Variants in SLC22A15 observed in about 807,000 individuals in gnomAD.
SLC22A15 encodes the protein solute carrier family 22 member 15, also known as flipt 1.
In SLC22A15, 45 loss-of-function variants were observed where a neutral mutation model predicts 62.7. The ratio of observed to expected loss-of-function variants is 0.72; its 90% confidence interval spans 0.56 to 0.92. SLC22A15 has a LOEUF of 0.92. SLC22A15 is among the 40% of genes least tolerant of loss of function. SLC22A15 has a pLI of 0.00. For missense variants in SLC22A15, 622 were observed against 665.6 expected (o/e 0.93, Z 0.72); for synonymous variants, 264 against 267.0 (o/e 0.99, Z 0.11).
chr1:116,051,342 C>T (rs1299797729), intron 8 of SLC22A15, among the ~76,000 whole-genome samples: 1 of 152,138 alleles, frequency 6.6e-6, no homozygotes, highest in Admixed American at 6.5e-5. Flanking sequence ...ACCAAAACAG[C>T]ATGATAGTGG....
intron 2 of SLC22A15, among the ~76,000 whole-genome samples, chr1:116,006,065 G>A (rs1380701262): frequency 6.6e-6 from 1 of 152,188 alleles, no homozygotes; most frequent in Non-Finnish European, 1.5e-5. Flanking sequence ...TGATTAGAAT[G>A]CTTGTGGTAC....
chr1:116,060,575 G>C (rs1288561701), intron 8 of SLC22A15, among the ~76,000 whole-genome samples: 1 of 152,186 alleles, frequency 6.6e-6, no homozygotes, highest in Non-Finnish European at 1.5e-5. Context: ...CATTCTGTAT[G>C]GGTTGAAAAC....
chr1:116,041,977 A>T (rs1657799810), intron 8 of SLC22A15, among the ~76,000 whole-genome samples: 1 of 151,976 alleles, frequency 6.6e-6, no homozygotes, highest in Non-Finnish European at 1.5e-5. Flanking sequence ...TTGCCATAAA[A>T]GTGCTTAAAA....
chr1:115,993,430 T>A lies in SLC22A15; in HGVS notation c.300+1187T>A, dbSNP rs2454183. Among the ~76,000 whole-genome samples the A allele has an allele frequency of 3.8e-3, 497 of 130,282 alleles. 2 individuals are homozygous for A. Among genetic ancestry groups the A allele is most frequent in the East Asian group, 0.034 (150 of 4,360 alleles). The allele number at this position is 130,282 out of a possible 152,430, so 85.5% of individuals were successfully genotyped here. ...TCCTGTGTGTGTGAGTGTGTGAGAG[T>A]GTGTGTGTGTGTGTGTGTGTGTGTG... On this transcript the variant is annotated intron_variant, in intron 2 of 11. Transcript: ENST00000369503.
chr1:116,023,576 C>A (rs938792190), intron 4 of SLC22A15, among the ~76,000 whole-genome samples: 2 of 152,112 alleles, frequency 1.3e-5, no homozygotes, highest in East Asian at 3.8e-4. Context: ...CCAGACACTG[C>A]TTTTTTTAGA....
chr1:116,020,998 C>T, intron 4 of SLC22A15, 113 bp downstream of exon 4: 1 of 943,514 alleles, frequency 1.1e-6, no homozygotes, highest in Non-Finnish European at 1.5e-6. Context: ...GTACTTTATC[C>T]AACTATTAGA....
In SLC22A15 at chr1:116,069,136, T is replaced by G. The variant is rs1308889867; in HGVS notation, c.*2028T>G. The G allele has an allele frequency of 6.6e-6, 1 of 152,112 alleles. No individual in the cohort carries two copies. The highest frequency in any genetic ancestry group is 1.5e-5 in the Non-Finnish European group (1 of 68,054). 9.4% of individuals were successfully genotyped at this position (152,112 alleles called of 1,614,324 possible). On this transcript the variant is annotated 3_prime_UTR_variant, in exon 12 of 12. Transcript: ENST00000369503. ...ATCCCTGGGTTTCCTTTCTTAGCTATGGGGTGGAAGATAGGAGGGGGAGAT... is the reference window on the plus strand; with the variant it reads ...ATCCCTGGGTTTCCTTTCTTAGCTAGGGGGTGGAAGATAGGAGGGGGAGAT...
At chr1:116,013,147 T>C (rs550114694) in intron 2 of SLC22A15, among the ~76,000 whole-genome samples, 17 of 152,196 alleles carry the variant, frequency 1.1e-4, no homozygotes, top group Non-Finnish European at 2.5e-4. Context: ...TATTTTCAGC[T>C]TACCATGGGT....
intron 2 of SLC22A15, among the ~76,000 whole-genome samples, chr1:116,011,763 A>G (rs1426481313): frequency 1.3e-5 from 2 of 151,966 alleles, no homozygotes; most frequent in Non-Finnish European, 2.9e-5. Flanking sequence ...GAGAATGAAT[A>G]GTTCACGGGG....
intron 8 of SLC22A15, among the ~76,000 whole-genome samples, chr1:116,053,150 C>G (rs1658107777): frequency 6.6e-6 from 1 of 152,050 alleles, no homozygotes; most frequent in Admixed American, 6.6e-5. Flanking sequence ...AAGTTGAAAA[C>G]TTTGAAAAAA....
chr1:116,010,420 T>A (rs907048968), intron 2 of SLC22A15, among the ~76,000 whole-genome samples: 8 of 152,350 alleles, frequency 5.3e-5, no homozygotes, highest in African/African-American at 1.7e-4. Context: ...TAATTTTTTT[T>A]AATGTCTTGC....
chr1:115,989,862 C>A (rs577410073), intron 1 of SLC22A15, among the ~76,000 whole-genome samples: 2 of 151,982 alleles, frequency 1.3e-5, no homozygotes, highest in East Asian at 3.9e-4. Flanking sequence ...ATTATAAAGG[C>A]ATGTGCTATT....
intron 6 of SLC22A15, among the ~76,000 whole-genome samples, chr1:116,033,388 T>C (rs935996746): frequency 1.2e-4 from 18 of 152,296 alleles, no homozygotes; most frequent in Non-Finnish European, 2.2e-4. Context: ...CGAAGGCAAC[T>C]TGCAGAGCAG....
rs141155660 is a variant in SLC22A15, at chr1:116,033,474, A to G, written c.945-1713A>G. On this transcript the variant is annotated intron_variant, in intron 6 of 11. Transcript: ENST00000369503. The stretch of plus-strand genomic sequence containing the variant: ...TCTCTCTCACCACCAGCTGGGAACT[A>G]AATTCCACTATTGTCCTGAACTGGC... Among the ~76,000 whole-genome samples the G allele has an allele frequency of 8.9e-4, 136 of 152,180 alleles. No individual in the cohort carries two copies. In the East Asian group the frequency reaches 0.023, roughly 26 times the overall value.
intron 2 of SLC22A15, among the ~76,000 whole-genome samples, chr1:115,995,933 C>T (rs1335949783): frequency 6.6e-6 from 1 of 152,122 alleles, no homozygotes; most frequent in South Asian, 2.1e-4. Flanking sequence ...ATGGGGAAAA[C>T]CATAGTATAA....
At chr1:116,012,570 TAGAC>T (rs1357417072) in intron 2 of SLC22A15, among the ~76,000 whole-genome samples, 3 of 152,194 alleles carry the variant, frequency 2.0e-5, no homozygotes, top group African/African-American at 7.2e-5. Flanking sequence ...GGATGTCAGA[TAGAC>T]AGTAAGTGTA....
At chr1:115,993,144 A>T (rs1260211380) in intron 2 of SLC22A15, among the ~76,000 whole-genome samples, 1 of 152,098 alleles carries the variant, frequency 6.6e-6, no homozygotes. Flanking sequence ...GGCAGATCTC[A>T]TGGTCAGCTG....
intron 8 of SLC22A15, among the ~76,000 whole-genome samples, chr1:116,053,128 C>A (rs1658107447): frequency 6.6e-6 from 1 of 152,110 alleles, no homozygotes; most frequent in Non-Finnish European, 1.5e-5. Context: ...GAAATTCAAA[C>A]CAAAGGCAAA....
chr1:116,063,312 G>T (rs1658425924), intron 9 of SLC22A15, among the ~76,000 whole-genome samples: 1 of 152,154 alleles, frequency 6.6e-6, no homozygotes, highest in South Asian at 2.1e-4. Context: ...AGTAATAAGT[G>T]AATATCAGAG....
Sources: allele counts gnomAD v4.1 joint callset (sites outside exome capture counted in the v4.1 genomes callset), GRCh38; gene constraint gnomAD v4.1.1; transcripts MANE v1.5; gene names NCBI Gene and HGNC (gene_info 2026-07-23, HGNC 2026-07-21).